The following KRT25 variants were observed in gnomAD, a reference collection of about 807,000 sequenced individuals.
KRT25 encodes keratin, type I cytoskeletal 25.
In KRT25, 37 loss-of-function variants were observed where a neutral mutation model predicts 47.6. That is an observed-to-expected ratio of 0.78 (90% CI 0.60 to 1.02). KRT25 has a LOEUF of 1.02. Ranked by LOEUF, KRT25 falls within the 50% of genes least tolerant of loss-of-function variation. The pLI, the probability that KRT25 is intolerant of heterozygous loss-of-function variation, is 0.00. For missense variants in KRT25, 542 were observed against 550.3 expected (o/e 0.98, Z 0.15); for synonymous variants, 203 against 210.2 (o/e 0.97, Z 0.30).
chr17:40,749,201 A>C (rs1389533866), intron 7 of KRT25, 57 bp downstream of exon 7: 5 of 1,351,370 alleles, frequency 3.7e-6, no homozygotes, highest in Admixed American at 3.4e-5. Context: ...CCCAAACCTA[A>C]ATTAAAAGTT....
At chr17:40,748,910 A>G (rs552778869) in intron 7 of KRT25, among the ~76,000 whole-genome samples, 2 of 152,346 alleles carry the variant, frequency 1.3e-5, no homozygotes, top group South Asian at 2.1e-4. Context: ...AGGAACATGG[A>G]TGGAGCTGGA....
chr17:40,752,235 A>G (rs1211126204), intron 3 of KRT25, among the ~76,000 whole-genome samples: 2 of 152,190 alleles, frequency 1.3e-5, no homozygotes, highest in Non-Finnish European at 2.9e-5. Flanking sequence ...TATTATCATC[A>G]TGGAAGCTGG....
intron 5 of KRT25, 24 bp downstream of exon 5, chr17:40,750,930 G>GA (rs772664844): frequency 7.8e-5 from 125 of 1,611,008 alleles, no homozygotes; most frequent in Non-Finnish European, 9.1e-5. Flanking sequence ...GGGAGATGGT[G>GA]AAAAAAAATT....
chr17:40,749,741 G>A (rs1357425836), intron 6 of KRT25, among the ~76,000 whole-genome samples: 1 of 152,194 alleles, frequency 6.6e-6, no homozygotes, highest in Non-Finnish European at 1.5e-5. Context: ...AGGTGGGGAA[G>A]AGTGGTGTAG....
chr17:40,754,540 A>G (rs1446675951), intron 1 of KRT25, 72 bp from the exon 2 acceptor site: 76 of 1,351,746 alleles, frequency 5.6e-5, no homozygotes, highest in Non-Finnish European at 7.7e-5. Flanking sequence ...TTCTAATGCT[A>G]AATTGGAATT....
chr17:40,750,640 T>C, intron 5 of KRT25, 43 bp from the exon 6 acceptor site: 1 of 1,606,306 alleles, frequency 6.2e-7, no homozygotes, highest in Non-Finnish European at 8.5e-7. Flanking sequence ...GATATGCAGA[T>C]ATGCAGGGAT....
intron 3 of KRT25, among the ~76,000 whole-genome samples, chr17:40,752,080 C>T (rs747059029): frequency 1.3e-5 from 2 of 152,070 alleles, no homozygotes; most frequent in African/African-American, 2.4e-5. Flanking sequence ...AACCTTTTTA[C>T]GTTTCTATTT....
In KRT25 at chr17:40,755,132, C is replaced by A; in HGVS notation, c.140G>T (p.Ser47Ile). The change falls in exon 1 of 8, where the codon AGT becomes ATT. Residue 47 changes from serine (S) to isoleucine (I), a missense_variant. Ser to Ile is a moderately radical substitution (Grantham distance 142). Coordinates refer to ENST00000312150, the MANE Select transcript of KRT25 (RefSeq NM_181534.4). ...TCCCGATGAGCTGCCTCCGAAGGCA[C>A]TAGAGAAGCCACTTCCAATCCCTGA... ...GISGIGSGFS[S>I]AFGGSSSGGN... The A allele has an allele frequency of 1.9e-6, 3 of 1,614,182 alleles. No individual in the cohort carries two copies. Among genetic ancestry groups the A allele is most frequent in the Non-Finnish European group, 2.5e-6 (3 of 1,180,014 alleles).
At position 40,755,313 on chromosome 17, in the gene KRT25, C is replaced by T; in HGVS notation, c.-42G>A. On this transcript the variant is annotated 5_prime_UTR_variant, in exon 1 of 8. Coordinates refer to ENST00000312150, the MANE Select transcript of KRT25 (RefSeq NM_181534.4). ...CGTTGCAGAGCTGTATTTGTGAAAG[C>T]CAGAATGGAGTGCCTTCTTGTCTAA... The T allele has an allele frequency of 6.4e-7, 1 of 1,567,372 alleles. No homozygotes were observed. Among genetic ancestry groups the T allele is most frequent in the South Asian group, 1.2e-5 (1 of 83,698 alleles).
intron 3 of KRT25, among the ~76,000 whole-genome samples, chr17:40,752,463 C>T (rs542636357): frequency 2.0e-4 from 30 of 152,288 alleles, no homozygotes; most frequent in Non-Finnish European, 2.6e-4. Context: ...CTCCCTGCAG[C>T]GAGCCCCTCA....
Position 40,754,457 on chromosome 17 carries a change from G to C in KRT25, c.441C>G (p.Ser147=), listed in dbSNP as rs779629649. The C allele has an allele frequency of 6.2e-7, 1 of 1,613,516 alleles. No individual in the cohort carries two copies. Residue 147 remains serine (S), a synonymous_variant, in exon 2 of 8, where the codon TCC becomes TCG. Coordinates refer to ENST00000312150, the MANE Select transcript of KRT25 (RefSeq NM_181534.4). ...IDDLKNQIIA[S]TTSNANAVLQ... is the part of the protein sequence containing the mutation. ...GAACAGCATTAGCATTGCTGGTGGT[G>C]GATGCGATGATCTAGAAATGGGAAT...
chr17:40,750,297 G>T, intron 6 of KRT25, 83 bp downstream of exon 6: 1 of 1,372,968 alleles, frequency 7.3e-7, no homozygotes, highest in Non-Finnish European at 1.0e-6. Flanking sequence ...GCCAAATTAT[G>T]TCCGCTTTCC....
intron 1 of KRT25, 44 bp downstream of exon 1, chr17:40,754,799 G>A (rs182897798): frequency 1.4e-6 from 2 of 1,437,802 alleles, no homozygotes; most frequent in Admixed American, 2.3e-5. Context: ...ACAAAATTTA[G>A]AAATAAAGGT....
chr17:40,749,365 C>G (rs745308107), intron 6 of KRT25, 40 bp from the exon 7 acceptor site: 1 of 1,398,714 alleles, frequency 7.1e-7, no homozygotes, highest in Non-Finnish European at 1.0e-6. Context: ...TAGAGAGAAC[C>G]CCATCAATTC....
intron 7 of KRT25, 26 bp from the exon 8 acceptor site, chr17:40,748,412 T>C (rs755918600): frequency 2.2e-6 from 3 of 1,375,250 alleles, no homozygotes; most frequent in South Asian, 1.3e-5. Context: ...TAAAAGGAGA[T>C]TTTATGTAGT....
At position 40,755,096 on chromosome 17, in the gene KRT25, C is replaced by A. The variant is rs374438831; in HGVS notation, c.176G>T (p.Gly59Val). 6.2e-6 allele frequency: 10 copies of A among 1,614,022 alleles called. No individual in the cohort carries two copies. Among genetic ancestry groups the A allele is most frequent in the Admixed American group, 3.3e-5 (2 of 60,006 alleles). The change falls in exon 1 of 8, where the codon GGG becomes GTG. Residue 59 changes from glycine to valine, a missense_variant. Transcript: ENST00000312150. ...GAAGCCAGCACAGGGATTACCTCCC[C>A]CTGTGTTTCCTCCCGATGAGCTGCC... ...FGGSSSGGNT[G>V]GGNPCAGFTV...
chr17:40,752,324 T>C (rs1039284471), intron 3 of KRT25, among the ~76,000 whole-genome samples: 3 of 152,208 alleles, frequency 2.0e-5, no homozygotes, highest in East Asian at 1.9e-4. Context: ...AGTTCTAAGA[T>C]TGTGAATGGT....
At chr17:40,752,866 T>TTAAATATCAAATTTATTTTAA (rs1399291187) in intron 3 of KRT25, among the ~76,000 whole-genome samples, 5 of 152,222 alleles carry the variant, frequency 3.3e-5, no homozygotes, top group African/African-American at 1.2e-4. Flanking sequence ...GTCTTTTGGC[T>TTAAATATCAAATTTATTTTAA]ATTTAAAATA....
intron 7 of KRT25, 44 bp from the exon 8 acceptor site, chr17:40,748,430 AG>A (rs776460408): frequency 7.9e-7 from 1 of 1,271,476 alleles, no homozygotes; most frequent in African/African-American, 1.5e-5. Context: ...AGTTAAAAAA[AG>A]AATAAAAATT....
Sources: gnomAD v4.1 joint callset for allele counts (sites outside exome capture counted in the v4.1 genomes callset) on GRCh38, gnomAD v4.1.1 for gene constraint, MANE v1.5 for transcripts, NCBI Gene and HGNC (gene_info 2026-07-23, HGNC 2026-07-21) for gene names.